The following C10orf88 variants were observed in gnomAD, a reference collection of about 807,000 sequenced individuals.
The protein encoded by C10orf88 is ATPase PAAT.
In C10orf88, 29 loss-of-function variants were observed where a neutral mutation model predicts 34.2. That is an observed-to-expected ratio of 0.85 (90% CI 0.63 to 1.16). The LOEUF is 1.16. C10orf88 is among the 50% of genes most tolerant of loss of function. C10orf88 has a pLI of 0.00. For missense variants in C10orf88, 507 were observed against 533.2 expected (o/e 0.95, Z 0.48); for synonymous variants, 194 against 197.4 (o/e 0.98, Z 0.15).
intron 1 of C10orf88, 98 bp downstream of exon 1, chr10:122,953,917 G>C (rs1194284655): frequency 9.6e-7 from 1 of 1,046,474 alleles, no homozygotes; most frequent in African/African-American, 2.0e-5. Flanking sequence ...CTGCTCTCCC[G>C]GATCCCGGGC....
intron 3 of C10orf88, among the ~76,000 whole-genome samples, chr10:122,949,130 A>G (rs1848667073): frequency 6.6e-6 from 1 of 152,206 alleles, no homozygotes; most frequent in Admixed American, 6.5e-5. Context: ...TACCTATTTA[A>G]AGAACTAAAA....
At chr10:122,951,704 T>C (rs769817652) in intron 3 of C10orf88, among the ~76,000 whole-genome samples, 2 of 152,188 alleles carry the variant, frequency 1.3e-5, no homozygotes, top group Non-Finnish European at 2.9e-5. Flanking sequence ...TGGTGGTGTA[T>C]GCCTGTAGTC....
chr10:122,934,047 CAA>C (rs1333847403), intron 5 of C10orf88, among the ~76,000 whole-genome samples: 1 of 152,052 alleles, frequency 6.6e-6, no homozygotes, highest in Non-Finnish European at 1.5e-5. Flanking sequence ...TAGAATACAC[CAA>C]AGACAGTTTT....
intron 4 of C10orf88, 138 bp from the exon 5 acceptor site, chr10:122,938,297 T>C (rs2133329770): frequency 1.4e-6 from 1 of 735,778 alleles, no homozygotes; most frequent in Non-Finnish European, 2.1e-6. Flanking sequence ...ACTAATACTA[T>C]CCCAATATTA....
intron 4 of C10orf88, 126 bp downstream of exon 4, chr10:122,948,523 T>C: frequency 4.6e-6 from 4 of 868,764 alleles, no homozygotes; most frequent in Non-Finnish European, 6.9e-6. Context: ...TGTTAACTTC[T>C]ACAAAACTAA....
intron 4 of C10orf88, among the ~76,000 whole-genome samples, chr10:122,947,240 T>C (rs898679402): frequency 6.6e-6 from 1 of 152,222 alleles, no homozygotes; most frequent in Admixed American, 6.5e-5. Context: ...TCAGCTCTCC[T>C]GGTTCTCTTA....
At chr10:122,937,007 T>C (rs956542498) in intron 5 of C10orf88, among the ~76,000 whole-genome samples, 3 of 152,002 alleles carry the variant, frequency 2.0e-5, no homozygotes, top group Non-Finnish European at 2.9e-5. Context: ...GTGGTGGCGT[T>C]TAGTTACAAA....
At chr10:122,945,099 TAG>T (rs1362724519) in intron 4 of C10orf88, among the ~76,000 whole-genome samples, 2 of 151,484 alleles carry the variant, frequency 1.3e-5, no homozygotes, top group African/African-American at 4.8e-5. Flanking sequence ...TATGTATGTA[TAG>T]ATAGATATAT....
intron 1 of C10orf88, among the ~76,000 whole-genome samples, chr10:122,953,406 T>C (rs570519060): frequency 6.6e-6 from 1 of 152,110 alleles, no homozygotes; most frequent in East Asian, 1.9e-4. Context: ...TCACTTCCAC[T>C]TGCCCTTGAG....
chr10:122,938,295 T>G (rs1450241644), intron 4 of C10orf88, 136 bp from the exon 5 acceptor site: 3 of 736,382 alleles, frequency 4.1e-6, no homozygotes, highest in Non-Finnish European at 6.4e-6. Context: ...CCACTAATAC[T>G]ATCCCAATAT....
chr10:122,934,151 G>A (rs910757481), intron 5 of C10orf88, among the ~76,000 whole-genome samples: 2 of 152,132 alleles, frequency 1.3e-5, no homozygotes, highest in South Asian at 2.1e-4. Context: ...CCTCCCAATG[G>A]TCACATCTTA....
chr10:122,950,845 C>T (rs1342540731), intron 3 of C10orf88, among the ~76,000 whole-genome samples: 1 of 152,160 alleles, frequency 6.6e-6, no homozygotes, highest in Admixed American at 6.5e-5. Flanking sequence ...TATATACTAT[C>T]CAAAACAACA....
intron 1 of C10orf88, among the ~76,000 whole-genome samples, chr10:122,953,445 A>G (rs1106056): frequency 0.092 from 13,953 of 152,142 alleles, 704 homozygotes; most frequent in Non-Finnish European, 0.1. Flanking sequence ...GCATCCAAGA[A>G]GCGCTCAACA....
At chr10:122,951,902 C>G (rs1230244008) in intron 3 of C10orf88, 52 bp downstream of exon 3, 3 of 1,112,180 alleles carry the variant, frequency 2.7e-6, no homozygotes, top group Admixed American at 2.0e-5. Context: ...CAAGCATACA[C>G]AGAGTACAAA....
chr10:122,937,933 T>G lies in C10orf88; in HGVS notation c.875A>C (p.Asp292Ala). Residue 292 changes from aspartate to alanine, a missense_variant, in exon 5 of 6, where the codon GAT (aspartate) becomes GCT (alanine). By Grantham distance (126) the Asp-to-Ala change is moderately radical. Coordinates refer to ENST00000481909, the MANE Select transcript of C10orf88 (RefSeq NM_024942.4). ...LPGGENSTKL[D>A]ECKVMPQNHS... ...GTTTTGAGGCATAACTTTACACTCA[T>G]CAAGCTTGGTAGAATTCTCTCCACC... 6.2e-7 allele frequency: 1 copy of G among 1,613,402 alleles called. No homozygotes were observed. The highest frequency in any genetic ancestry group is 8.5e-7 in the Non-Finnish European group (1 of 1,179,504).
chr10:122,932,774 T>C, intron 5 of C10orf88, 113 bp from the exon 6 acceptor site: 1 of 733,488 alleles, frequency 1.4e-6, no homozygotes, highest in Non-Finnish European at 2.2e-6. Context: ...AACTGTGCTC[T>C]GTCTTCTTAC....
chr10:122,945,830 C>T (rs1489128103), intron 4 of C10orf88, among the ~76,000 whole-genome samples: 2 of 152,074 alleles, frequency 1.3e-5, no homozygotes, highest in Admixed American at 1.3e-4. Context: ...TGGTGGTTCA[C>T]GCCTGTAATC....
At chr10:122,942,758 T>C (rs1320006153) in intron 4 of C10orf88, among the ~76,000 whole-genome samples, 1 of 151,172 alleles carries the variant, frequency 6.6e-6, no homozygotes, top group African/African-American at 2.4e-5. Context: ...AAATCATGAG[T>C]GAACTCCCAT....
intron 4 of C10orf88, among the ~76,000 whole-genome samples, chr10:122,939,721 T>C (rs1395562767): frequency 6.6e-6 from 1 of 151,970 alleles, no homozygotes; most frequent in Non-Finnish European, 1.5e-5. Context: ...GGAAAGCCCA[T>C]TTATTTCTCT....
Sources: allele counts gnomAD v4.1 joint callset (sites outside exome capture counted in the v4.1 genomes callset), GRCh38; gene constraint gnomAD v4.1.1; transcripts MANE v1.5; gene names NCBI Gene and HGNC (gene_info 2026-07-23, HGNC 2026-07-21).